Variants in SLC35F3 observed in about 807,000 individuals in gnomAD.
SLC35F3 encodes the protein solute carrier family 35 member F3, also known as putative thiamine transporter SLC35F3.
SLC35F3 carries 25 observed loss-of-function variants against 49.9 expected under a neutral mutation model. That is an observed-to-expected ratio of 0.50 (90% CI 0.37 to 0.70). The LOEUF (loss-of-function observed/expected upper bound fraction) is 0.70, where lower values mean the gene tolerates loss of function less well. SLC35F3 is among the 30% of genes least tolerant of loss of function. SLC35F3 has a pLI of 0.00. For missense variants in SLC35F3, 525 were observed against 639.8 expected, an observed-to-expected ratio of 0.82 and a Z score of 1.94; for synonymous variants, 275 against 265.4, an observed-to-expected ratio of 1.04 and a Z score of -0.35.
At chr1:234,308,213 C>T (rs571066013) in intron 3 of SLC35F3, among the ~76,000 whole-genome samples, 257 of 152,226 alleles carry the variant, frequency 1.7e-3, no homozygotes, top group African/African-American at 5.8e-3. Flanking sequence ...AAATAGGTCA[C>T]GAGTTAACAC....
chr1:234,203,256 T>G (rs1666926305), intron 2 of SLC35F3, among the ~76,000 whole-genome samples: 1 of 152,214 alleles, frequency 6.6e-6, no homozygotes, highest in African/African-American at 2.4e-5. Flanking sequence ...TAAAAGAGTT[T>G]TACATTTTAA....
chr1:234,159,648 G>A (rs1293592911), intron 2 of SLC35F3, among the ~76,000 whole-genome samples: 1 of 152,058 alleles, frequency 6.6e-6, no homozygotes, highest in African/African-American at 2.4e-5. Flanking sequence ...TTTACAAACT[G>A]GAGCCATCAA....
intron 2 of SLC35F3, among the ~76,000 whole-genome samples, chr1:234,069,036 T>C (rs1171238383): frequency 1.6e-5 from 2 of 123,654 alleles, no homozygotes; most frequent in African/African-American, 6.5e-5. Flanking sequence ...TATAAAATTA[T>C]ATAATTTTAT....
chr1:234,309,035 ATAGG>A, intron 3 of SLC35F3, 62 bp from the exon 4 acceptor site: 6 of 1,287,524 alleles, frequency 4.7e-6, no homozygotes, highest in South Asian at 1.4e-5. Context: ...AAAACTTGCT[ATAGG>A]AAATAAATGG....
chr1:234,088,629 T>C (rs1226261885), intron 2 of SLC35F3, among the ~76,000 whole-genome samples: 1 of 152,248 alleles, frequency 6.6e-6, no homozygotes, highest in Admixed American at 6.5e-5. Flanking sequence ...TTAGTTTGTC[T>C]AGTACTTTTT....
At chr1:233,978,330 C>T (rs146751367) in intron 2 of SLC35F3, among the ~76,000 whole-genome samples, 10 of 152,308 alleles carry the variant, frequency 6.6e-5, no homozygotes, top group African/African-American at 1.2e-4. Flanking sequence ...ATTGCATGAA[C>T]GTGATTCAAT....
intron 2 of SLC35F3, among the ~76,000 whole-genome samples, chr1:233,909,185 C>T (rs1484170808): frequency 6.6e-6 from 1 of 152,110 alleles, no homozygotes; most frequent in Non-Finnish European, 1.5e-5. Context: ...ATCCCAAAGG[C>T]TCCTGGGTCT....
chr1:234,321,166 G>A (rs537891014), intron 7 of SLC35F3, among the ~76,000 whole-genome samples: 83 of 152,040 alleles, frequency 5.5e-4, no homozygotes, highest in Non-Finnish European at 4.4e-4. Flanking sequence ...CATTCCAAAG[G>A]CGCTCGACCT....
chr1:234,062,737 T>A (rs1010830522), intron 2 of SLC35F3, among the ~76,000 whole-genome samples: 2 of 151,690 alleles, frequency 1.3e-5, no homozygotes, highest in African/African-American at 4.8e-5. Context: ...TGGAGTACAG[T>A]GGCGCAATCT....
intron 3 of SLC35F3, among the ~76,000 whole-genome samples, chr1:234,293,473 T>A (rs684375): frequency 0.32 from 48,102 of 152,114 alleles, 7,907 homozygotes; most frequent in African/African-American, 0.39. Flanking sequence ...AAGGGTGAAC[T>A]ATGCATGTCT....
intron 3 of SLC35F3, among the ~76,000 whole-genome samples, chr1:234,245,329 A>G (rs1464687207): frequency 6.6e-6 from 1 of 152,212 alleles, no homozygotes; most frequent in African/African-American, 2.4e-5. Flanking sequence ...ATGGTATTCC[A>G]TTGTGTATAT....
chr1:234,097,564 A>G (rs1255803391), intron 2 of SLC35F3, among the ~76,000 whole-genome samples: 2 of 152,192 alleles, frequency 1.3e-5, no homozygotes, highest in Non-Finnish European at 2.9e-5. Context: ...GCACACACGC[A>G]CATTATTTGT....
intron 2 of SLC35F3, among the ~76,000 whole-genome samples, chr1:234,133,816 A>G (rs1296336372): frequency 1.3e-5 from 2 of 152,164 alleles, no homozygotes; most frequent in African/African-American, 2.4e-5. Flanking sequence ...CCTCTCTTTG[A>G]TTTTATGAAT....
chr1:234,143,142 A>C (rs1322755197), intron 2 of SLC35F3, among the ~76,000 whole-genome samples: 1 of 151,930 alleles, frequency 6.6e-6, no homozygotes, highest in Admixed American at 6.6e-5. Context: ...AGACCTCTAG[A>C]TTTCTTCATC....
intron 2 of SLC35F3, among the ~76,000 whole-genome samples, chr1:233,972,650 T>TATC (rs60128546): frequency 0.052 from 7,911 of 152,188 alleles, 624 homozygotes; most frequent in African/African-American, 0.17. Flanking sequence ...TTATTATCAT[T>TATC]ATCATCATCA....
intron 2 of SLC35F3, among the ~76,000 whole-genome samples, chr1:234,040,542 G>C (rs1426010572): frequency 6.6e-6 from 1 of 152,184 alleles, no homozygotes. Context: ...GCAGAAGAAA[G>C]TGTGGTAGAC....
At chr1:234,310,223 T>C (rs1657311919) in intron 4 of SLC35F3, among the ~76,000 whole-genome samples, 2 of 152,148 alleles carry the variant, frequency 1.3e-5, no homozygotes, top group South Asian at 4.1e-4. Flanking sequence ...GTAGTTAGTG[T>C]ACAGCTTTCC....
chr1:234,232,519 C>CAAAAAAAAAAAAAAAAA (rs536692686), intron 3 of SLC35F3, among the ~76,000 whole-genome samples: 21 of 72,342 alleles, frequency 2.9e-4, no homozygotes, highest in South Asian at 5.7e-4. Context: ...CAGGCCTAGT[C>CAAAAAAAAAAAAAAAAA]AAAAAAAAAA....
intron 2 of SLC35F3, among the ~76,000 whole-genome samples, chr1:234,187,642 C>T (rs1305836191): frequency 6.6e-6 from 1 of 152,186 alleles, no homozygotes; most frequent in African/African-American, 2.4e-5. Flanking sequence ...CGCGTGCCCT[C>T]ACTGGGGAAC....
Sources: gnomAD v4.1 joint callset for allele counts (sites outside exome capture counted in the v4.1 genomes callset) on GRCh38, gnomAD v4.1.1 for gene constraint, MANE v1.5 for transcripts, NCBI Gene and HGNC (gene_info 2026-07-23, HGNC 2026-07-21) for gene names.